Variants in LRRK1 observed in about 807,000 individuals in gnomAD.
LRRK1 encodes the protein leucine-rich repeat serine/threonine-protein kinase 1.
Under a neutral mutation model 209.1 loss-of-function variants are expected in LRRK1, and 113 were observed. The observed-to-expected ratio is 0.54, with a 90% CI of 0.46 to 0.63. The LOEUF (loss-of-function observed/expected upper bound fraction) is 0.63. Among genes scored for constraint, LRRK1 ranks in the 30% least tolerant of loss-of-function variants. LRRK1 has a pLI of 0.00. For missense variants in LRRK1, 2,284 were observed against 2,632.2 expected, an observed-to-expected ratio of 0.87 and a Z score of 2.89; for synonymous variants, 1,144 against 1,099.7, an observed-to-expected ratio of 1.04 and a Z score of -0.80.
intron 2 of LRRK1, among the ~76,000 whole-genome samples, chr15:100,956,680 G>A (rs1419356490): frequency 6.6e-6 from 1 of 151,664 alleles, no homozygotes; most frequent in Non-Finnish European, 1.5e-5. Context: ...GACCAGGCTG[G>A]TCTTGAACTC....
chr15:100,979,012 A>G (rs923702386), intron 3 of LRRK1, among the ~76,000 whole-genome samples: 1 of 152,202 alleles, frequency 6.6e-6, no homozygotes. Flanking sequence ...AGCAAGTACA[A>G]TTCTGCTATA....
chr15:101,052,885 C>T (rs1037277111), intron 24 of LRRK1, 37 bp from the exon 25 acceptor site: 8 of 1,591,956 alleles, frequency 5.0e-6, no homozygotes, highest in East Asian at 2.3e-5. Flanking sequence ...CGCATCAGGG[C>T]GGGGGGGATG....
At chr15:101,023,099 G>A (rs1022298487) in intron 15 of LRRK1, among the ~76,000 whole-genome samples, 2 of 152,112 alleles carry the variant, frequency 1.3e-5, no homozygotes, top group Non-Finnish European at 2.9e-5. Context: ...CACTGTTGCA[G>A]GCAGTGAAAC....
chr15:100,972,363 A>AGTGTGTGTGT (rs139709615), intron 2 of LRRK1, among the ~76,000 whole-genome samples: 7 of 98,468 alleles, frequency 7.1e-5, no homozygotes, highest in African/African-American at 3.0e-4. Context: ...AGAGAGAGAG[A>AGTGTGTGTGT]GTGTGTGTGT....
At position 101,010,734 on chromosome 15, in the gene LRRK1, C is replaced by T. The variant is rs1291141402; in HGVS notation, c.1178C>T (p.Thr393Ile). The T allele has an allele frequency of 6.2e-7, 1 of 1,612,894 alleles. No homozygotes were observed. The highest frequency in any genetic ancestry group is 8.5e-7 in the Non-Finnish European group (1 of 1,179,804). Residue 393 changes from threonine (T) to isoleucine (I), a missense_variant, in exon 9 of 34, where the codon ACA (threonine) becomes ATA (isoleucine). Thr to Ile is a moderately conservative substitution (Grantham distance 89). Transcript: ENST00000388948. ...CTTGATATATCTGACAATAAATTGA[C>T]AGAACTCCCTGCCCTGTTCCTTCAC... ...QELDISDNKL[T>I]ELPALFLHSF...
At chr15:100,967,865 T>C (rs905570841) in intron 2 of LRRK1, among the ~76,000 whole-genome samples, 4 of 152,248 alleles carry the variant, frequency 2.6e-5, no homozygotes, top group African/African-American at 7.2e-5. Flanking sequence ...ATGCATAGTA[T>C]GGACTAAGGT....
intron 6 of LRRK1, among the ~76,000 whole-genome samples, chr15:101,004,978 A>G (rs940290532): frequency 6.6e-6 from 1 of 152,284 alleles, no homozygotes; most frequent in African/African-American, 2.4e-5. Context: ...TGTCAAAGCC[A>G]AAACCATAAC....
chr15:100,924,386 C>A, intron 1 of LRRK1, 125 bp from the exon 2 acceptor site: 1 of 506,068 alleles, frequency 2.0e-6, no homozygotes. Context: ...ATGGGTTTGG[C>A]TGGATAGATG....
intron 27 of LRRK1, 69 bp downstream of exon 27, chr15:101,055,292 C>G: frequency 7.1e-7 from 1 of 1,403,604 alleles, no homozygotes; most frequent in Non-Finnish European, 9.4e-7. Context: ...GCCGGGCAGT[C>G]CTGGAGGCAC....
At chr15:100,983,437 G>C in intron 3 of LRRK1, 91 bp from the exon 4 acceptor site, 1 of 1,259,790 alleles carries the variant, frequency 7.9e-7, no homozygotes, top group Non-Finnish European at 1.1e-6. Context: ...CTCCAGTCCT[G>C]CTCCGGGACC....
chr15:100,939,999 G>C (rs1248751416), intron 2 of LRRK1, among the ~76,000 whole-genome samples: 3 of 152,084 alleles, frequency 2.0e-5, no homozygotes, highest in Non-Finnish European at 4.4e-5. Flanking sequence ...CTTTTGGCAT[G>C]ACCCCAGAAG....
chr15:101,043,580 T>A (rs2034882823), intron 20 of LRRK1: 1 of 151,484 alleles, frequency 6.6e-6, no homozygotes, highest in Non-Finnish European at 1.5e-5. Context: ...AAGTCAGTTT[T>A]TATATGTATA....
At chr15:100,936,525 C>T (rs900505140) in intron 2 of LRRK1, among the ~76,000 whole-genome samples, 10 of 152,342 alleles carry the variant, frequency 6.6e-5, no homozygotes, top group African/African-American at 1.9e-4. Context: ...TGGCATGTGG[C>T]CCCCAGCCTC....
At chr15:101,066,334 G>T in intron 32 of LRRK1, 129 bp downstream of exon 32, 1 of 1,320,726 alleles carries the variant, frequency 7.6e-7, no homozygotes, top group South Asian at 1.4e-5. Context: ...CTTCCAAGAG[G>T]GTTGGTTTCC....
At chr15:101,044,897 A>G (rs910333660) in intron 20 of LRRK1, among the ~76,000 whole-genome samples, 3 of 152,246 alleles carry the variant, frequency 2.0e-5, no homozygotes, top group African/African-American at 7.2e-5. Context: ...ATGTAAAGGA[A>G]TAAGACAGGA....
rs577331437 is a variant in LRRK1, at chr15:101,068,190, CTT to C, written c.5871-479_5871-478del. Among the ~76,000 whole-genome samples, 5 of 152,342 alleles carry C rather than the reference CTT, an allele frequency of 3.3e-5. No individual in the cohort carries two copies. The East Asian group carries it at 9.6e-4, about 29-fold the overall frequency. ...TTTCAAAAAATGTATATAGTGATGA[CTT>C]TGGGGCAGTAGGTTTTCCATTTAAT... is the stretch of plus-strand genomic sequence containing the variant. On this transcript the variant is annotated intron_variant, in intron 33 of 33. Coordinates refer to ENST00000388948, the MANE Select transcript of LRRK1 (RefSeq NM_024652.6).
At chr15:101,012,669 C>T (rs977632363) in intron 10 of LRRK1, among the ~76,000 whole-genome samples, 1 of 151,774 alleles carries the variant, frequency 6.6e-6, no homozygotes, top group Non-Finnish European at 1.5e-5. Flanking sequence ...CAGGCTTCAG[C>T]CCCCGGTCCT....
Position 101,070,143 on chromosome 15 carries a change from A to C in LRRK1, c.*1295A>C, listed in dbSNP as rs1422858629. The C allele has an allele frequency of 6.6e-6, 1 of 152,074 alleles. No homozygotes were observed. Among genetic ancestry groups the C allele is most frequent in the Non-Finnish European group, 1.5e-5 (1 of 68,022 alleles). The allele number at this position is 152,074 out of a possible 1,614,324, so 9.4% of individuals were successfully genotyped here. Reference sequence around the variant, plus strand: ...GGCCTCTGTCTTTTGAGCGCTTATGACCACAGCACGGGCTCAGTCCCTCCC... The same window carrying C: ...GGCCTCTGTCTTTTGAGCGCTTATGCCCACAGCACGGGCTCAGTCCCTCCC... On this transcript the variant is annotated 3_prime_UTR_variant, in exon 34 of 34. Transcript: ENST00000388948.
intron 2 of LRRK1, among the ~76,000 whole-genome samples, chr15:100,945,415 A>G (rs1013333980): frequency 6.6e-6 from 1 of 151,492 alleles, no homozygotes; most frequent in African/African-American, 2.4e-5. Flanking sequence ...GAGTGTGACC[A>G]AGCATGTTTT....
Sources: gnomAD v4.1 joint callset for allele counts (sites outside exome capture counted in the v4.1 genomes callset) on GRCh38, gnomAD v4.1.1 for gene constraint, MANE v1.5 for transcripts, NCBI Gene and HGNC (gene_info 2026-07-23, HGNC 2026-07-21) for gene names.